ERICH1: variants seen among roughly 807,000 people sequenced by gnomAD.
The protein encoded by ERICH1 is glutamate rich 1, also known as glutamate-rich protein 1.
A neutral mutation model predicts 39.6 loss-of-function variants in ERICH1; 56 were observed. That is an observed-to-expected ratio of 1.41 (90% CI 1.14 to 1.77). The LOEUF (loss-of-function observed/expected upper bound fraction) is 1.77. Ranked by LOEUF, ERICH1 falls within the 40% of genes most tolerant of loss-of-function variation. The pLI is 0.00. For missense variants in ERICH1, 826 were observed against 575.4 expected, an observed-to-expected ratio of 1.44 and a Z score of -4.45; for synonymous variants, 313 against 223.6, an observed-to-expected ratio of 1.40 and a Z score of -3.57.
intron 2 of ERICH1, among the ~76,000 whole-genome samples, chr8:711,485 C>T (rs1814719823): frequency 6.6e-6 from 1 of 151,882 alleles, no homozygotes; most frequent in African/African-American, 2.4e-5. Context: ...TTGCATTTTA[C>T]ACTCAGGTGT....
At chr8:651,785 C>A (rs1251102789) in intron 3 of ERICH1, among the ~76,000 whole-genome samples, 1 of 151,926 alleles carries the variant, frequency 6.6e-6, no homozygotes, top group African/African-American at 2.4e-5. Flanking sequence ...CATCTGGTTT[C>A]CCTTCGGCAG....
At chr8:699,237 A>G (rs1051926625) in intron 2 of ERICH1, among the ~76,000 whole-genome samples, 1 of 152,122 alleles carries the variant, frequency 6.6e-6, no homozygotes, top group African/African-American at 2.4e-5. Flanking sequence ...ATCAGGAACG[A>G]AAGAAAAAGG....
intron 2 of ERICH1, among the ~76,000 whole-genome samples, chr8:706,026 C>T (rs1193307458): frequency 6.6e-6 from 1 of 152,228 alleles, no homozygotes; most frequent in Non-Finnish European, 1.5e-5. Flanking sequence ...CATGAACACT[C>T]ACCATGGTGT....
chr8:619,598 T>C (rs1026132444), intron 3 of ERICH1, among the ~76,000 whole-genome samples: 1 of 152,174 alleles, frequency 6.6e-6, no homozygotes, highest in African/African-American at 2.4e-5. Flanking sequence ...GAGATTAATA[T>C]AACAAACTTT....
intron 3 of ERICH1, among the ~76,000 whole-genome samples, chr8:619,740 A>G (rs1797161201): frequency 6.6e-6 from 1 of 152,210 alleles, no homozygotes; most frequent in Non-Finnish European, 1.5e-5. Context: ...ACAACAGCAC[A>G]AAAAAGAAGT....
At chr8:706,464 C>G (rs980903698) in intron 2 of ERICH1, among the ~76,000 whole-genome samples, 1 of 152,018 alleles carries the variant, frequency 6.6e-6, no homozygotes, top group African/African-American at 2.4e-5. Context: ...CCTGTAAGTA[C>G]TGGAAGGAAA....
intron 3 of ERICH1, among the ~76,000 whole-genome samples, chr8:657,997 G>A (rs1800883973): frequency 1.3e-5 from 2 of 152,182 alleles, no homozygotes; most frequent in African/African-American, 4.8e-5. Context: ...CCCCCAAGGG[G>A]CATCCAGGAG....
At chr8:628,549 G>T (rs1309630429) in intron 3 of ERICH1, among the ~76,000 whole-genome samples, 1 of 152,236 alleles carries the variant, frequency 6.6e-6, no homozygotes, top group Non-Finnish European at 1.5e-5. Context: ...GGCTGGGAGG[G>T]GCATGGGACC....
intron 5 of ERICH1, among the ~76,000 whole-genome samples, chr8:665,035 A>G (rs1046395088): frequency 2.6e-5 from 4 of 152,252 alleles, no homozygotes; most frequent in African/African-American, 9.6e-5. Context: ...AAAATGAAAT[A>G]GAAGTTTATC....
rs566397169 is a variant in ERICH1, at chr8:636,251, C to T, written c.977-20967G>A. Among the ~76,000 whole-genome samples the T allele has an allele frequency of 9.2e-5, 14 of 152,362 alleles. No homozygotes were observed. The South Asian group carries it at 2.3e-3, about 25-fold the overall frequency. ...CCTGAGCCGAGCTGGGCGTTCACAG[C>T]CTCCCTGAAGCTCAGCTGCGTGGCC... On this transcript the variant is annotated intron_variant, in intron 3 of 3. Coordinates refer to the ERICH1 transcript ENST00000522706.
chr8:730,027 C>G (rs1274511981), intron 1 of ERICH1, among the ~76,000 whole-genome samples: 1 of 152,188 alleles, frequency 6.6e-6, no homozygotes, highest in African/African-American at 2.4e-5. Flanking sequence ...ACCGTCAGGT[C>G]TGCTCCTAAG....
downstream of ERICH1, among the ~76,000 whole-genome samples, chr8:662,093 T>C (rs558803661): frequency 6.6e-6 from 1 of 150,768 alleles, no homozygotes; most frequent in Non-Finnish European, 1.5e-5. Flanking sequence ...AGGGATTCTG[T>C]GGAACCTACA....
intron 3 of ERICH1, among the ~76,000 whole-genome samples, chr8:643,988 C>T (rs909971930): frequency 6.6e-6 from 1 of 152,214 alleles, no homozygotes; most frequent in Non-Finnish European, 1.5e-5. Context: ...GGGGCGGGGG[C>T]GGCTCTGCAG....
intron 3 of ERICH1, among the ~76,000 whole-genome samples, chr8:630,657 A>T (rs1797957886): frequency 8.3e-6 from 1 of 120,970 alleles, no homozygotes; most frequent in East Asian, 2.6e-4. Context: ...GACCACCCAC[A>T]CAGACAGAGC....
chr8:635,694 G>C (rs1798382754), intron 3 of ERICH1, among the ~76,000 whole-genome samples: 2 of 152,214 alleles, frequency 1.3e-5, no homozygotes, highest in Non-Finnish European at 2.9e-5. Flanking sequence ...CCCAAGCAGG[G>C]TCCCTGGAGG....
intron 4 of ERICH1, chr8:671,659 C>A: frequency 5.8e-6 from 1 of 172,822 alleles, no homozygotes; most frequent in Non-Finnish European, 1.2e-5. Context: ...CTGAACCTGC[C>A]GGCCCCGGCC....
intron 2 of ERICH1, among the ~76,000 whole-genome samples, chr8:700,874 C>G (rs550143290): frequency 4.9e-4 from 75 of 152,216 alleles, no homozygotes; most frequent in Non-Finnish European, 9.8e-4. Flanking sequence ...AAATACTTAA[C>G]AATGCCAGAT....
At position 679,512 on chromosome 8, in the gene ERICH1, G is replaced by A. The variant is rs570902515; in HGVS notation, c.305-5465C>T. Reference sequence around the variant, plus strand: ...TCCAGCGTCTCCACTCCCCTGACAAGGGCATTGCAAGAAGGGAGGGCCACG... The same window carrying A: ...TCCAGCGTCTCCACTCCCCTGACAAAGGCATTGCAAGAAGGGAGGGCCACG... On this transcript the variant is annotated intron_variant, in intron 3 of 5. Coordinates refer to ENST00000262109, the MANE Select transcript of ERICH1 (RefSeq NM_207332.3). Among the ~76,000 whole-genome samples the A allele has an allele frequency of 2.0e-5, 3 of 150,802 alleles. No homozygotes were observed. The East Asian group carries it at 6.0e-4, about 30-fold the overall frequency.
intron 3 of ERICH1, among the ~76,000 whole-genome samples, chr8:619,717 G>C (rs1232837265): frequency 6.6e-6 from 1 of 152,042 alleles, no homozygotes; most frequent in Non-Finnish European, 1.5e-5. Flanking sequence ...CATATACAGG[G>C]ACAATATATT....
Sources: gnomAD v4.1 joint callset for allele counts (sites outside exome capture counted in the v4.1 genomes callset) on GRCh38, gnomAD v4.1.1 for gene constraint, MANE v1.5 for transcripts, NCBI Gene and HGNC (gene_info 2026-07-23, HGNC 2026-07-21) for gene names.